Variants in ZNF84 observed in about 807,000 individuals in gnomAD.
ZNF84 encodes the protein zinc finger protein HPF2.
In ZNF84, 12 loss-of-function variants were observed where a neutral mutation model predicts 14.8. The observed-to-expected ratio is 0.81, with a 90% CI of 0.52 to 1.31. ZNF84 has a LOEUF of 1.31. ZNF84 is among the 50% of genes most tolerant of loss of function. The pLI is 0.00. For synonymous variants in ZNF84, 347 were observed against 291.1 expected (o/e 1.19, Z -1.96); for missense variants, 859 against 878.6 (o/e 0.98, Z 0.28).
chr12:133,057,846 T>G lies in ZNF84; in HGVS notation c.1131T>G (p.Cys377Trp). 6.2e-7 allele frequency: 1 copy of G among 1,612,938 alleles called. No homozygotes were observed. Among genetic ancestry groups the G allele is most frequent in the South Asian group, 1.1e-5 (1 of 91,034 alleles). Residue 377 changes from cysteine (C) to tryptophan (W), a missense_variant, in exon 5 of 5, where the codon TGT (cysteine) becomes TGG (tryptophan). Physicochemically the swap from Cys to Trp is radical, Grantham distance 215. Coordinates refer to ENST00000539354, the MANE Select transcript of ZNF84 (RefSeq NM_001289971.2). ...ACACAGGAACAAAACCCTTTGGATG[T>G]AGTGATTGTAGAAAAGCATTCTTTG... is the stretch of plus-strand genomic sequence containing the variant. ...RTHTGTKPFGCSDCRKAFFEK... is the reference protein window; with the variant it reads ...RTHTGTKPFGWSDCRKAFFEK...
At position 133,058,832 on chromosome 12, in the gene ZNF84, C is replaced by T; in HGVS notation, c.2117C>T (p.Thr706Ile). The T allele has an allele frequency of 6.2e-7, 1 of 1,614,022 alleles. No individual in the cohort carries two copies. Among genetic ancestry groups the T allele is most frequent in the Non-Finnish European group, 8.5e-7 (1 of 1,179,970 alleles). Residue 706 changes from threonine to isoleucine, a missense_variant, in exon 5 of 5, where the codon ACA becomes ATA. By Grantham distance (89) the Thr-to-Ile change is moderately conservative. Transcript: ENST00000539354. ...SQLVNHQRIH[T>I]GEKPYRCIEC... Reference sequence around the variant, plus strand: ...CTGGTTAATCATCAGAGAATTCATACAGGAGAGAAGCCTTATCGATGCATT... The same window carrying T: ...CTGGTTAATCATCAGAGAATTCATATAGGAGAGAAGCCTTATCGATGCATT...
rs1272853787 is a variant in ZNF84 at position 133,057,379 on chromosome 12, C to T, written c.664C>T (p.Leu222Phe). The T allele has an allele frequency of 3.7e-6, 6 of 1,613,880 alleles. No individual in the cohort carries two copies. In the Admixed American group the frequency reaches 1.0e-4, roughly 27 times the overall value. ...CRKRFSKKPS[L>F]IKHQSRHIRD... ...GAAGCGCTTCAGTAAGAAACCAAGT[C>T]TCATTAAACATCAGAGCAGACATAT... is the stretch of plus-strand genomic sequence containing the variant. Residue 222 changes from leucine (L) to phenylalanine (F), a missense_variant, in exon 5 of 5, where the codon CTC (leucine) becomes TTC (phenylalanine). Leu to Phe is a conservative substitution (Grantham distance 22). Transcript: ENST00000539354.
Position 133,048,853 on chromosome 12 carries a change from G to C in ZNF84, c.238+5G>C, listed in dbSNP as rs1417599522. 23 of 1,610,620 alleles carry C rather than the reference G, an allele frequency of 1.4e-5. No homozygotes were observed. The highest frequency in any genetic ancestry group is 1.9e-5 in the Non-Finnish European group (22 of 1,177,570). On this transcript the variant is annotated splice_donor_5th_base_variant and intron_variant, in intron 4 of 4. Transcript: ENST00000539354. ...TTCCAAGTTCAGATTCTCCAGGTGA[G>C]TGTATGAGAACCAGGCAGATGGGAG...
chr12:133,058,108 G>A lies in ZNF84; in HGVS notation c.1393G>A (p.Gly465Arg), dbSNP rs1474673084. The A allele has an allele frequency of 1.2e-5, 20 of 1,613,922 alleles. No homozygotes were observed. The highest frequency in any genetic ancestry group is 1.4e-5 in the Non-Finnish European group (17 of 1,180,002). The stretch of plus-strand genomic sequence containing the variant: ...AAAACCCTTTATATGCAGTAAATGT[G>A]GGAAAGCCTTCAGCAGGAAATCACA... ...GEKPFICSKC[G>R]KAFSRKSQLV... Residue 465 changes from glycine (G) to arginine (R), a missense_variant, in exon 5 of 5, where the codon GGG becomes AGG. Physicochemically the swap from Gly to Arg is moderately radical, Grantham distance 125 (BLOSUM62 -2). Coordinates refer to ENST00000539354, the MANE Select transcript of ZNF84 (RefSeq NM_001289971.2).
intron 4 of ZNF84, among the ~76,000 whole-genome samples, chr12:133,049,293 A>T (rs1281976842): frequency 6.6e-6 from 1 of 152,064 alleles, no homozygotes; most frequent in Non-Finnish European, 1.5e-5. Flanking sequence ...ACATTGAAGC[A>T]TCTTGATTTT....
intron 4 of ZNF84, among the ~76,000 whole-genome samples, chr12:133,056,183 T>C (rs920740635): frequency 6.6e-6 from 1 of 152,224 alleles, no homozygotes; most frequent in Non-Finnish European, 1.5e-5. Context: ...GTGTATAGTT[T>C]GTTGTTTTAA....
Position 133,058,392 on chromosome 12 carries a change from A to G in ZNF84, c.1677A>G (p.Ala559=). Residue 559 remains alanine, a synonymous_variant, in exon 5 of 5, where the codon GCA becomes GCG. Coordinates refer to ENST00000539354, the MANE Select transcript of ZNF84 (RefSeq NM_001289971.2). ...CCTTTGGTGAGAAGTCAAGTCTTGC[A>G]ACTCATCAGAGAACTCATACTGGAG... ...GKAFGEKSSL[A]THQRTHTGEK... is the part of the protein sequence containing the mutation. 1 of 1,612,568 alleles carries G rather than the reference A, an allele frequency of 6.2e-7. No homozygotes were observed. The highest frequency in any genetic ancestry group is 1.1e-5 in the South Asian group (1 of 90,964).
intron 4 of ZNF84, among the ~76,000 whole-genome samples, chr12:133,055,338 CA>C (rs1466709891): frequency 6.6e-6 from 1 of 151,650 alleles, no homozygotes; most frequent in Admixed American, 6.6e-5. Context: ...ATCCACATAA[CA>C]AAAAAATTAA....
chr12:133,041,613 C>CA, intron 2 of ZNF84, 131 bp downstream of exon 2: 1 of 900,984 alleles, frequency 1.1e-6, no homozygotes, highest in Non-Finnish European at 1.8e-6. Context: ...AGGATTGGAA[C>CA]AAAATTGGCA....
In ZNF84 at chr12:133,057,722, A is replaced by G; in HGVS notation, c.1007A>G (p.Asn336Ser). Residue 336 changes from asparagine to serine, a missense_variant, in exon 5 of 5, where the codon AAC becomes AGC. Asn to Ser is a conservative substitution (Grantham distance 46). Transcript: ENST00000539354. The stretch of plus-strand genomic sequence containing the variant: ...TTTAGTGAAAAGTCCAATCTCATTA[A>G]CCATCAGAGAATTCATACCGGTGAG... ...RAFSEKSNLI[N>S]HQRIHTGEKP... 3 of 1,613,874 alleles carry G rather than the reference A, an allele frequency of 1.9e-6. No individual in the cohort carries two copies. The highest frequency in any genetic ancestry group is 8.5e-7 in the Non-Finnish European group (1 of 1,179,958).
chr12:133,044,575 C>T (rs937328325), intron 2 of ZNF84, among the ~76,000 whole-genome samples: 4 of 152,022 alleles, frequency 2.6e-5, no homozygotes, highest in Admixed American at 2.0e-4. Flanking sequence ...AGGATTAATT[C>T]AGATTTTGTT....
Position 133,063,073 on chromosome 12 carries a change from G to T in ZNF84, c.*4141G>T, listed in dbSNP as rs11297. 4.3e-6 allele frequency: 3 copies of T among 701,490 alleles called. No individual in the cohort carries two copies. In the African/African-American group the frequency reaches 5.2e-5, roughly 12 times the overall value. 43.5% of individuals were successfully genotyped at this position (701,490 alleles called of 1,614,324 possible). A position where few individuals can be genotyped will look rare whatever the true frequency, so the allele number is the denominator to read the frequency against. On this transcript the variant is annotated 3_prime_UTR_variant, in exon 5 of 5. Transcript: ENST00000539354. Reference sequence around the variant, plus strand: ...CATCACAAGCTATATTTAAATGTGGGTGCAGTGAGTGGCTGTTTTCTGCCA... The same window carrying T: ...CATCACAAGCTATATTTAAATGTGGTTGCAGTGAGTGGCTGTTTTCTGCCA...
In ZNF84 at chr12:133,048,047, G is replaced by A. The variant is rs1458541672; in HGVS notation, c.108G>A (p.Val36=). Residue 36 remains valine, a synonymous_variant, in exon 3 of 5, where the codon GTG becomes GTA. Coordinates refer to ENST00000539354, the MANE Select transcript of ZNF84 (RefSeq NM_001289971.2). ...DPSQKNLYKD[V]MLENYSSLVS... ...CTCAGAAGAATTTATACAAGGATGT[G>A]ATGTTGGAGAACTATAGCAGCCTAG... The A allele has an allele frequency of 5.6e-6, 9 of 1,613,922 alleles. No individual in the cohort carries two copies. Among genetic ancestry groups the A allele is most frequent in the Non-Finnish European group, 7.6e-6 (9 of 1,179,958 alleles).
chr12:133,039,684 C>T (rs922498063), intron 1 of ZNF84, among the ~76,000 whole-genome samples: 1 of 151,868 alleles, frequency 6.6e-6, no homozygotes, highest in Admixed American at 6.6e-5. Context: ...CCTTTTAACA[C>T]CTCATTTGTT....
rs1289327640 is a variant in ZNF84 at position 133,061,470 on chromosome 12, G to T, written c.*2538G>T. 3 of 152,080 alleles carry T rather than the reference G, an allele frequency of 2.0e-5. No individual in the cohort carries two copies. Among genetic ancestry groups the T allele is most frequent in the East Asian group, 3.9e-4 (2 of 5,188 alleles). The allele number at this position is 152,080 out of a possible 1,614,324, so 9.4% of individuals were successfully genotyped here. On this transcript the variant is annotated 3_prime_UTR_variant, in exon 5 of 5. Transcript: ENST00000539354. ...ACAGAGCGAGCCTCTGTCAAAAAAA[G>T]AAAAGAAAAAGAACTTCCTACTTTT...
chr12:133,058,606 G>A lies in ZNF84; in HGVS notation c.1891G>A (p.Glu631Lys), dbSNP rs2137426459. The A allele has an allele frequency of 8.1e-6, 13 of 1,614,126 alleles. No individual in the cohort carries two copies. In the South Asian group the frequency reaches 1.2e-4, roughly 15 times the overall value. ...HTGEKPYECN[E>K]CRKAFREKSS... ...AGGAGAAAAACCTTATGAATGCAAT[G>A]AATGTAGAAAAGCCTTCAGGGAGAA... Residue 631 changes from glutamate (E) to lysine (K), a missense_variant, in exon 5 of 5, where the codon GAA becomes AAA. By Grantham distance (56) the Glu-to-Lys change is moderately conservative (BLOSUM62 1). Coordinates refer to ENST00000539354, the MANE Select transcript of ZNF84 (RefSeq NM_001289971.2).
chr12:133,039,852 A>T (rs1490299914), intron 1 of ZNF84, among the ~76,000 whole-genome samples: 1 of 142,404 alleles, frequency 7.0e-6, no homozygotes, highest in South Asian at 2.2e-4. Flanking sequence ...GTTGGTTTGG[A>T]TTTTTTTTTT....
At chr12:133,051,474 T>TA (rs1348337035) in intron 4 of ZNF84, among the ~76,000 whole-genome samples, 2 of 152,078 alleles carry the variant, frequency 1.3e-5, no homozygotes, top group Admixed American at 6.6e-5. Flanking sequence ...TATTTGTACT[T>TA]ATGACAGATT....
Position 133,057,450 on chromosome 12 carries a change from C to T in ZNF84, c.735C>T (p.Pro245=). ...FGCGNCGKTF[P]QKSQFITHHR... The stretch of plus-strand genomic sequence containing the variant: ...GTGGTAATTGTGGCAAAACCTTTCC[C>T]CAGAAGTCTCAGTTTATTACACATC... Residue 245 remains proline, a synonymous_variant, in exon 5 of 5, where the codon CCC becomes CCT. Coordinates refer to ENST00000539354, the MANE Select transcript of ZNF84 (RefSeq NM_001289971.2). The T allele has an allele frequency of 2.5e-6, 4 of 1,614,160 alleles. No homozygotes were observed. Among genetic ancestry groups the T allele is most frequent in the Non-Finnish European group, 3.4e-6 (4 of 1,180,030 alleles).
Sources: allele counts gnomAD v4.1 joint callset (sites outside exome capture counted in the v4.1 genomes callset), GRCh38; gene constraint gnomAD v4.1.1; transcripts MANE v1.5; gene names NCBI Gene and HGNC (gene_info 2026-07-23, HGNC 2026-07-21).